RBM4: variants seen among roughly 807,000 people sequenced by gnomAD.
RBM4 encodes the protein RNA-binding protein 4.
A neutral mutation model predicts 29.5 loss-of-function variants in RBM4; 7 were observed. The ratio of observed to expected loss-of-function variants is 0.24; its 90% CI spans 0.14 to 0.45. The LOEUF is 0.45. RBM4 is among the 20% of genes least tolerant of loss of function. RBM4 has a pLI of 1.00. For missense variants in RBM4, 387 were observed against 502.3 expected (o/e 0.77, Z 2.19); for synonymous variants, 220 against 205.4 (o/e 1.07, Z -0.61).
intron 2 of RBM4, 59 bp downstream of exon 2, chr11:66,640,182 G>A (rs1479459551): frequency 1.2e-6 from 2 of 1,604,798 alleles, no homozygotes. Flanking sequence ...AAAATGGTTG[G>A]ATAAGTAAAA....
At position 66,643,579 on chromosome 11, in the gene RBM4, G is replaced by A; in HGVS notation, c.542G>A (p.Gly181Asp). Reference protein sequence around the residue: ...WSKECPIDRSGRVADLTEQYN... With the variant: ...WSKECPIDRSDRVADLTEQYN... ...AAAGAGTGTCCGATAGATCGTTCAG[G>A]CCGCGTGGCAGACTTGACCGAGCAA... Residue 181 changes from glycine to aspartate, a missense_variant, in exon 3 of 4, where the codon GGC becomes GAC. Transcript: ENST00000310092. The surrounding 1 kb of genome is among the most constrained non-coding windows in gnomAD (Gnocchi z 6.1). 6.2e-7 allele frequency: 1 copy of A among 1,614,142 alleles called. No homozygotes were observed. Among genetic ancestry groups the A allele is most frequent in the Non-Finnish European group, 8.5e-7 (1 of 1,180,026 alleles).
intron 2 of RBM4, chr11:66,665,454 T>C: frequency 1.3e-6 from 1 of 749,338 alleles, no homozygotes. Flanking sequence ...GAAAACATAG[T>C]TGGTCACAAA....
At chr11:66,639,523 C>T (rs1204268186) in intron 1 of RBM4, 177 bp from the exon 2 acceptor site, 10 of 760,914 alleles carry the variant, frequency 1.3e-5, no homozygotes, top group East Asian at 2.7e-5. Context: ...AGGTTCATGG[C>T]GGCTACTATA....
At chr11:66,642,915 C>T (rs903831695) in intron 2 of RBM4, among the ~76,000 whole-genome samples, 1 of 152,176 alleles carries the variant, frequency 6.6e-6, no homozygotes, top group Non-Finnish European at 1.5e-5. Context: ...AGAGATGTAC[C>T]TTGAGATTTG....
chr11:66,649,590 A>T (rs1009992438), downstream of RBM4: 6 of 581,150 alleles, frequency 1.0e-5, no homozygotes, highest in Admixed American at 1.3e-4. Flanking sequence ...GATTTTCAAC[A>T]TCAATGTATT....
chr11:66,641,050 G>A (rs1165931741), intron 2 of RBM4: 2 of 152,182 alleles, frequency 1.3e-5, no homozygotes, highest in Non-Finnish European at 2.9e-5. Context: ...GTTCAGGGGT[G>A]GTGATCATGG....
chr11:66,664,541 A>G (rs140429592), intron 2 of RBM4, among the ~76,000 whole-genome samples: 17,273 of 151,420 alleles, frequency 0.11, 1,262 homozygotes, highest in Non-Finnish European at 0.16. Context: ...GCTAACTGCA[A>G]CCTCTGCCTC....
chr11:66,663,503 T>C (rs1373226638), intron 2 of RBM4, among the ~76,000 whole-genome samples: 1 of 152,174 alleles, frequency 6.6e-6, no homozygotes, highest in East Asian at 1.9e-4. Flanking sequence ...TAGCTGGGAC[T>C]ACAGGCGCCC....
At chr11:66,656,613 T>C (rs1938954685) in intron 2 of RBM4, among the ~76,000 whole-genome samples, 1 of 152,144 alleles carries the variant, frequency 6.6e-6, no homozygotes, top group South Asian at 2.1e-4. Flanking sequence ...TATACCAATT[T>C]TGAAAACAAT....
rs1394485902 is a variant in RBM4, at chr11:66,643,208, A to C, written c.413-242A>C. On this transcript the variant is annotated intron_variant, in intron 2 of 3. Transcript: ENST00000310092. The surrounding 1 kb of genome is among the most constrained non-coding windows in gnomAD (Gnocchi z 6.1). The stretch of plus-strand genomic sequence containing the variant: ...TGGAGCAAGAGTAGTTTATTTCTTA[A>C]GCATTTAAACTGTTGTTATAGCTGA... 2.0e-5 allele frequency among the ~76,000 whole-genome samples: 3 copies of C among 152,086 alleles called. No homozygotes were observed. Among genetic ancestry groups the C allele is most frequent in the Non-Finnish European group, 2.9e-5 (2 of 68,022 alleles).
At chr11:66,639,448 T>C (rs1459925519) in intron 1 of RBM4, 1 of 524,448 alleles carries the variant, frequency 1.9e-6, no homozygotes, top group Non-Finnish European at 3.3e-6. Context: ...TTGGAAGGTA[T>C]CGGTTCTTAC....
chr11:66,658,930 G>C (rs1421964291), intron 2 of RBM4, among the ~76,000 whole-genome samples: 2 of 90,040 alleles, frequency 2.2e-5, no homozygotes, highest in Non-Finnish European at 5.1e-5. Flanking sequence ...GAGCAAGAGT[G>C]TCTCTCAAAA....
chr11:66,653,071 C>T (rs555952767), intron 2 of RBM4, among the ~76,000 whole-genome samples: 2 of 152,232 alleles, frequency 1.3e-5, no homozygotes, highest in African/African-American at 4.8e-5. Context: ...GGTTTGAGTT[C>T]CTCTGTCCAA....
chr11:66,655,495 T>G, intron 2 of RBM4, among the ~76,000 whole-genome samples: 1 of 152,076 alleles, frequency 6.6e-6, no homozygotes, highest in East Asian at 1.9e-4. Flanking sequence ...TTGCCTACGG[T>G]GCTCTTGAAC....
intron 2 of RBM4, among the ~76,000 whole-genome samples, chr11:66,651,671 T>C (rs1328168143): frequency 1.3e-5 from 2 of 151,994 alleles, no homozygotes; most frequent in East Asian, 3.9e-4. Context: ...TTTTAGTCCG[T>C]TTGAGGTGCT....
chr11:66,655,710 C>G (rs1938937242), intron 2 of RBM4, among the ~76,000 whole-genome samples: 1 of 151,998 alleles, frequency 6.6e-6, no homozygotes, highest in African/African-American at 2.4e-5. Flanking sequence ...TGGGAGTGTT[C>G]TAACAGTAAG....
intron 3 of RBM4, among the ~76,000 whole-genome samples, chr11:66,645,355 A>G (rs1938645788): frequency 6.6e-6 from 1 of 152,184 alleles, no homozygotes; most frequent in African/African-American, 2.4e-5. Context: ...TAATTATAGT[A>G]ACTGTGTGAG....
chr11:66,646,485 C>T (rs1213102021), downstream of RBM4: 2 of 992,616 alleles, frequency 2.0e-6, no homozygotes, highest in Non-Finnish European at 2.4e-6. Flanking sequence ...GTGTGCTTTG[C>T]GAGACTTCTT....
At chr11:66,647,625 T>C (rs887478999), downstream of RBM4, among the ~76,000 whole-genome samples, 2 of 152,214 alleles carry the variant, frequency 1.3e-5, no homozygotes, top group Non-Finnish European at 2.9e-5. Context: ...ATTTTTACTC[T>C]TGTCAGTATA....
Sources: gnomAD v4.1 joint callset for allele counts (sites outside exome capture counted in the v4.1 genomes callset) on GRCh38, gnomAD v4.1.1 for gene constraint, Gnocchi (gnomAD v3.1) non-coding constraint, MANE v1.5 for transcripts, NCBI Gene and HGNC (gene_info 2026-07-23, HGNC 2026-07-21) for gene names.